The following RAPGEF2 variants were observed in gnomAD, a reference collection of about 807,000 sequenced individuals.
RAPGEF2 encodes Rap guanine nucleotide exchange factor 2.
In RAPGEF2, 54 loss-of-function variants were observed where a neutral mutation model predicts 186.7. The ratio of observed to expected loss-of-function variants is 0.29; its 90% confidence interval spans 0.23 to 0.36. RAPGEF2 has a LOEUF of 0.36. Ranked by LOEUF, RAPGEF2 falls within the 10% of genes least tolerant of loss-of-function variation. The pLI is 1.00. For missense variants in RAPGEF2, 1,532 were observed against 2,045.0 expected (o/e 0.75, Z 4.84); for synonymous variants, 712 against 705.9 (o/e 1.01, Z -0.14).
chr4:159,193,488 T>C (rs1029880194), intron 3 of RAPGEF2, among the ~76,000 whole-genome samples: 11 of 152,232 alleles, frequency 7.2e-5, no homozygotes, highest in African/African-American at 2.4e-4. Context: ...GGGTCAAAGA[T>C]ACTATTTCAT....
chr4:159,198,315 TTTC>T, intron 3 of RAPGEF2, among the ~76,000 whole-genome samples: 2 of 40,240 alleles, frequency 5.0e-5, no homozygotes, highest in African/African-American at 4.2e-4. Flanking sequence ...TCTTTCTTTC[TTTC>T]TTTCTTTCTT....
At chr4:159,220,169 A>T (rs1751397276) in intron 4 of RAPGEF2, among the ~76,000 whole-genome samples, 1 of 152,222 alleles carries the variant, frequency 6.6e-6, no homozygotes, top group African/African-American at 2.4e-5. Flanking sequence ...AAATTTCATC[A>T]TATCAAAAAA....
chr4:159,357,368 A>AAG (rs1164037629), intron 29 of RAPGEF2, among the ~76,000 whole-genome samples: 1 of 152,130 alleles, frequency 6.6e-6, no homozygotes, highest in Non-Finnish European at 1.5e-5. Flanking sequence ...CTCTAAAAGA[A>AAG]AGAGAGAGAG....
At chr4:159,170,126 T>C (rs992895536) in intron 1 of RAPGEF2, among the ~76,000 whole-genome samples, 1 of 151,922 alleles carries the variant, frequency 6.6e-6, no homozygotes, top group Non-Finnish European at 1.5e-5. Context: ...TGAGGTTTTG[T>C]TGTGGTTTTA....
chr4:159,238,906 C>A, intron 5 of RAPGEF2, 22 bp downstream of exon 5: 1 of 1,419,458 alleles, frequency 7.0e-7, no homozygotes, highest in Non-Finnish European at 9.2e-7. Context: ...TCTGTGAGGA[C>A]TATTTTTCCC....
intron 7 of RAPGEF2, among the ~76,000 whole-genome samples, chr4:159,255,355 A>G (rs1373303553): frequency 6.9e-6 from 1 of 145,078 alleles, no homozygotes; most frequent in African/African-American, 2.5e-5. Flanking sequence ...TTGAATATAT[A>G]GTTTTTTTTT....
chr4:159,167,574 C>T (rs1027952833), intron 1 of RAPGEF2, among the ~76,000 whole-genome samples: 7 of 152,182 alleles, frequency 4.6e-5, no homozygotes, highest in African/African-American at 1.7e-4. Context: ...GTTTCATACC[C>T]TTTCCTTTTG....
chr4:159,104,551 AGAGTGTGTGTGTGT>A (rs1477691191), intron 1 of RAPGEF2, among the ~76,000 whole-genome samples: 1 of 134,548 alleles, frequency 7.4e-6, no homozygotes, highest in Admixed American at 7.2e-5. Context: ...AGAGAGAGAG[AGAGTGTGTGTGTGT>A]GTGTGTATGT....
At chr4:159,263,125 G>C (rs1159541176) in intron 7 of RAPGEF2, among the ~76,000 whole-genome samples, 1 of 152,166 alleles carries the variant, frequency 6.6e-6, no homozygotes, top group Non-Finnish European at 1.5e-5. Context: ...CTCTGTGACT[G>C]CTTTGGGTGG....
At chr4:159,135,085 C>T (rs930490109) in intron 1 of RAPGEF2, among the ~76,000 whole-genome samples, 1 of 152,112 alleles carries the variant, frequency 6.6e-6, no homozygotes, top group Non-Finnish European at 1.5e-5. Context: ...ACTCCGTTGC[C>T]CAGGCTGGAG....
chr4:159,213,573 A>G (rs961318054), intron 4 of RAPGEF2, among the ~76,000 whole-genome samples: 2 of 152,232 alleles, frequency 1.3e-5, no homozygotes, highest in Admixed American at 1.3e-4. Context: ...AGGATGATAT[A>G]TATGGCAGAA....
chr4:159,193,312 T>C, intron 3 of RAPGEF2, 56 bp downstream of exon 3: 1 of 1,172,516 alleles, frequency 8.5e-7, no homozygotes, highest in South Asian at 2.0e-5. Context: ...TAAATTTTCT[T>C]AAAGTATCAA....
chr4:159,240,254 A>G (rs1753799745), intron 5 of RAPGEF2, among the ~76,000 whole-genome samples: 1 of 151,464 alleles, frequency 6.6e-6, no homozygotes, highest in South Asian at 2.1e-4. Context: ...TAACCTAGAC[A>G]TGCCTCCATT....
intron 3 of RAPGEF2, among the ~76,000 whole-genome samples, chr4:159,205,806 A>G (rs1335946597): frequency 2.0e-5 from 3 of 152,176 alleles, no homozygotes; most frequent in South Asian, 2.1e-4. Context: ...ACTGTGAGCC[A>G]GTTAAACCTC....
At chr4:159,235,439 GCACACTGGATC>G (rs1244825577) in intron 4 of RAPGEF2, among the ~76,000 whole-genome samples, 1 of 152,050 alleles carries the variant, frequency 6.6e-6, no homozygotes, top group African/African-American at 2.4e-5. Context: ...ATTTCATTGT[GCACACTGGATC>G]CTCTACGGCT....
intron 20 of RAPGEF2, among the ~76,000 whole-genome samples, chr4:159,342,503 T>G (rs1196594443): frequency 6.6e-6 from 1 of 151,130 alleles, no homozygotes; most frequent in Non-Finnish European, 1.5e-5. Context: ...GGGAGTTTAG[T>G]CATACTCTCA....
In RAPGEF2 at chr4:159,182,258, C is replaced by T. The variant is rs534339745; in HGVS notation, c.70-4384C>T. Among the ~76,000 whole-genome samples, 332 of 152,084 alleles carry T rather than the reference C, an allele frequency of 2.2e-3. 2 individuals carry two copies. The highest frequency in any genetic ancestry group is 7.4e-3 in the African/African-American group (308 of 41,484). ...ACGGTGACATTTTAAGTCCCTAATA[C>T]TGATAAATTTTAAATTGGAATGACT... is the stretch of plus-strand genomic sequence containing the variant. On this transcript the variant is annotated intron_variant, in intron 1 of 29. Coordinates refer to ENST00000691494, the MANE Select transcript of RAPGEF2 (RefSeq NM_001394067.2).
chr4:159,197,705 G>A (rs1346830776), intron 3 of RAPGEF2, among the ~76,000 whole-genome samples: 1 of 152,228 alleles, frequency 6.6e-6, no homozygotes, highest in African/African-American at 2.4e-5. Flanking sequence ...AGTCTTTGCA[G>A]TTGCTGACTT....
Position 159,330,372 on chromosome 4 carries a change from G to A in RAPGEF2, c.1341G>A (p.Glu447=), listed in dbSNP as rs780673052. The change falls in exon 13 of 30, where the codon GAG becomes GAA. Residue 447 remains glutamate (E), a synonymous_variant. Transcript: ENST00000691494. ...SERLTMHLVE[E]HSVVDPTFIE... ...GGTTAACAATGCATTTGGTGGAAGA[G>A]CATTCAGTAGTAGATCCAACATTCA... 6.9e-6 allele frequency: 11 copies of A among 1,595,274 alleles called. No individual in the cohort carries two copies. The highest frequency in any genetic ancestry group is 9.4e-6 in the Non-Finnish European group (11 of 1,175,134).
Sources: gnomAD v4.1 joint callset for allele counts (sites outside exome capture counted in the v4.1 genomes callset) on GRCh38, gnomAD v4.1.1 for gene constraint, MANE v1.5 for transcripts, NCBI Gene and HGNC (gene_info 2026-07-23, HGNC 2026-07-21) for gene names.